The following PDZK1 variants were observed in gnomAD, a reference collection of about 807,000 sequenced individuals.
PDZK1 encodes PDZ domain containing 1, also known as Na(+)/H(+) exchange regulatory cofactor NHE-RF3.
A neutral mutation model predicts 38.1 loss-of-function variants in PDZK1; 23 were observed. The observed-to-expected ratio is 0.60, with a 90% CI of 0.43 to 0.85. PDZK1 has a LOEUF of 0.85. Ranked by LOEUF, PDZK1 falls within the 40% of genes least tolerant of loss-of-function variation. The pLI is 0.00. For synonymous variants in PDZK1, 98 were observed against 186.2 expected, an observed-to-expected ratio of 0.53 and a Z score of 3.86; for missense variants, 297 against 504.3, an observed-to-expected ratio of 0.59 and a Z score of 3.94.
At chr1:145,686,795 T>C (rs1553701870) in intron 2 of PDZK1, 69 bp from the exon 3 acceptor site, 16 of 726,116 alleles carry the variant, frequency 2.2e-5, no homozygotes, top group Non-Finnish European at 1.1e-5. Context: ...ATGCTGACCA[T>C]CTGGCTCAAT....
At chr1:145,676,138 C>T in intron 6 of PDZK1, 1 of 973,962 alleles carries the variant, frequency 1.0e-6, no homozygotes, top group African/African-American at 1.8e-5. Context: ...CTACCCTCCA[C>T]CCCAACCTAC....
At chr1:145,692,825 G>T (rs1412161349) in intron 1 of PDZK1, among the ~76,000 whole-genome samples, 1 of 151,900 alleles carries the variant, frequency 6.6e-6, no homozygotes, top group East Asian at 1.9e-4. Flanking sequence ...ACGAGGTCAG[G>T]AGATCAAAAC....
At chr1:145,692,728 G>GA (rs1230520790) in intron 1 of PDZK1, among the ~76,000 whole-genome samples, 4 of 150,632 alleles carry the variant, frequency 2.7e-5, no homozygotes, top group Admixed American at 6.6e-5. Context: ...AAAAGAAGAA[G>GA]AAGAAAGAAA....
chr1:145,699,325 C>T (rs1655823175), intron 1 of PDZK1, among the ~76,000 whole-genome samples: 1 of 151,874 alleles, frequency 6.6e-6, no homozygotes, highest in South Asian at 2.1e-4. Flanking sequence ...GGCTGAGGCA[C>T]AGGAATCGCT....
chr1:145,677,031 G>A (rs1340985771), intron 6 of PDZK1, among the ~76,000 whole-genome samples: 5 of 152,156 alleles, frequency 3.3e-5, no homozygotes, highest in African/African-American at 4.8e-5. Flanking sequence ...TAAGGAAACT[G>A]AAGCACAGAG....
At chr1:145,679,769 G>C (rs1299204444) in intron 5 of PDZK1, among the ~76,000 whole-genome samples, 1 of 152,032 alleles carries the variant, frequency 6.6e-6, no homozygotes, top group Admixed American at 6.5e-5. Context: ...GCTGGTTTTT[G>C]TTCTTCTCCC....
rs1200272340 is a variant in PDZK1, at chr1:145,688,012, T to G, written c.10A>C (p.Thr4Pro). MTS[T>P]FNPRECKLSK... ...AGTTTACATTCTCGGGGGTTGAAGG[T>G]GGAGGTCATTTCTGTGATGAAAAAA... The change falls in exon 2 of 9, where the codon ACC becomes CCC. Residue 4 changes from threonine to proline, a missense_variant. Transcript: ENST00000417171. The G allele has an allele frequency of 6.2e-7, 1 of 1,612,456 alleles. No homozygotes were observed. The highest frequency in any genetic ancestry group is 8.5e-7 in the Non-Finnish European group (1 of 1,179,294).
intron 1 of PDZK1, among the ~76,000 whole-genome samples, chr1:145,696,326 C>T (rs1655626437): frequency 6.6e-6 from 1 of 152,210 alleles, no homozygotes; most frequent in South Asian, 2.1e-4. Context: ...GGATAGCTTT[C>T]CTACTTCAAG....
At chr1:145,691,099 C>T (rs1553703076) in intron 1 of PDZK1, among the ~76,000 whole-genome samples, 1 of 152,208 alleles carries the variant, frequency 6.6e-6, no homozygotes, top group Admixed American at 6.5e-5. Flanking sequence ...CCCCACCACA[C>T]AGCCATTAAT....
In PDZK1 at chr1:145,687,949, G is replaced by C. The variant is rs782709762; in HGVS notation, c.73C>G (p.Arg25Gly). Residue 25 changes from arginine to glycine, a missense_variant, in exon 2 of 9, where the codon CGA (arginine) becomes GGA (glycine). Arg to Gly is a moderately radical substitution (Grantham distance 125). Transcript: ENST00000417171. Reference sequence around the variant, plus strand: ...TGGCCCTCGGTGTCCTTCTCAATTCGCAGGAAGAAGCCATAGTTTTGCCCT... The same window carrying C: ...TGGCCCTCGGTGTCCTTCTCAATTCCCAGGAAGAAGCCATAGTTTTGCCCT... ...QEGQNYGFFL[R>G]IEKDTEGHLV... 5.6e-6 allele frequency: 9 copies of C among 1,611,850 alleles called. No individual in the cohort carries two copies. In the South Asian group the frequency reaches 9.9e-5, roughly 18 times the overall value.
chr1:145,684,399 A>G (rs1376650452), intron 3 of PDZK1, among the ~76,000 whole-genome samples: 2 of 151,368 alleles, frequency 1.3e-5, no homozygotes, highest in Admixed American at 6.6e-5. Flanking sequence ...TAGTAGAGAC[A>G]GGGTTTCACC....
intron 1 of PDZK1, among the ~76,000 whole-genome samples, chr1:145,701,247 T>C (rs1655943910): frequency 6.6e-6 from 1 of 150,854 alleles, no homozygotes; most frequent in Non-Finnish European, 1.5e-5. Flanking sequence ...GTGAGGAATG[T>C]TTAACCCTAG....
At position 145,698,198 on chromosome 1, in the gene PDZK1, C is replaced by T. The variant is rs587670389; in HGVS notation, c.-3+9119G>A. On this transcript the variant is annotated intron_variant, in intron 1 of 8. Transcript: ENST00000417171. Reference sequence around the variant, plus strand: ...CTCTAGGGTCAAACAGGTAAATCAGCGAAGGTGGCCGAGAGGGGACGGAGG... The same window carrying T: ...CTCTAGGGTCAAACAGGTAAATCAGTGAAGGTGGCCGAGAGGGGACGGAGG... Among the ~76,000 whole-genome samples, 6 of 152,116 alleles carry T rather than the reference C, an allele frequency of 3.9e-5. No homozygotes were observed. The South Asian group carries it at 1.0e-3, about 26-fold the overall frequency.
At chr1:145,693,684 G>A (rs1248408199) in intron 1 of PDZK1, among the ~76,000 whole-genome samples, 2 of 151,858 alleles carry the variant, frequency 1.3e-5, no homozygotes, top group African/African-American at 2.4e-5. Flanking sequence ...TGAGGCAGGA[G>A]AATGGCGTGA....
intron 1 of PDZK1, among the ~76,000 whole-genome samples, chr1:145,692,216 G>C (rs1173598079): frequency 6.6e-6 from 1 of 152,136 alleles, no homozygotes. Flanking sequence ...AGAAATAGCT[G>C]GTGGGACCTA....
At chr1:145,698,906 T>A (rs1655788302) in intron 1 of PDZK1, among the ~76,000 whole-genome samples, 1 of 151,612 alleles carries the variant, frequency 6.6e-6, no homozygotes, top group Admixed American at 6.6e-5. Flanking sequence ...ACCACTGCAC[T>A]CCAGCCTGGG....
intron 1 of PDZK1, among the ~76,000 whole-genome samples, chr1:145,703,862 C>G (rs944566596): frequency 6.6e-6 from 1 of 151,718 alleles, no homozygotes; most frequent in Admixed American, 6.6e-5. Flanking sequence ...GAATCTTGCT[C>G]TTGTGGTCCA....
intron 8 of PDZK1, 58 bp downstream of exon 8, chr1:145,672,672 G>C: frequency 6.3e-7 from 1 of 1,599,862 alleles, no homozygotes; most frequent in Non-Finnish European, 8.5e-7. Context: ...TATACTCATA[G>C]GGACTGTACC....
At position 145,683,959 on chromosome 1, in the gene PDZK1, G is replaced by A. The variant is rs1459195408; in HGVS notation, c.461-1323C>T. On this transcript the variant is annotated intron_variant, in intron 3 of 8. Coordinates refer to ENST00000417171, the MANE Select transcript of PDZK1 (RefSeq NM_001201325.2). Reference sequence around the variant, plus strand: ...CCTCCCCGGTTCAAGCGATTCTCCTGCCTCAGCCTCTCGAGTAGCTGGGAC... The same window carrying A: ...CCTCCCCGGTTCAAGCGATTCTCCTACCTCAGCCTCTCGAGTAGCTGGGAC... 2.6e-5 allele frequency among the ~76,000 whole-genome samples: 4 copies of A among 151,376 alleles called. No individual in the cohort carries two copies. In the East Asian group the frequency reaches 7.8e-4, roughly 29 times the overall value.
Sources: allele counts gnomAD v4.1 joint callset (sites outside exome capture counted in the v4.1 genomes callset), GRCh38; gene constraint gnomAD v4.1.1; transcripts MANE v1.5; gene names NCBI Gene and HGNC (gene_info 2026-07-23, HGNC 2026-07-21).